Variants in CDKL4 observed in about 807,000 individuals in gnomAD.
CDKL4 encodes cyclin dependent kinase like 4, also known as cyclin-dependent kinase-like 4.
CDKL4 carries 44 observed loss-of-function variants against 42.0 expected under a neutral mutation model. That is an observed-to-expected ratio of 1.05 (90% CI 0.82 to 1.35). CDKL4 has a LOEUF of 1.35. Among genes scored for constraint, CDKL4 ranks in the 40% most tolerant of loss-of-function variants. The pLI is 0.00. For synonymous variants in CDKL4, 120 were observed against 121.6 expected (o/e 0.99, Z 0.09); for missense variants, 393 against 369.9 (o/e 1.06, Z -0.51).
intron 4 of CDKL4, 92 bp from the exon 5 acceptor site, chr2:39,204,709 AT>A: frequency 1.6e-6 from 1 of 622,956 alleles, no homozygotes; most frequent in Non-Finnish European, 2.7e-6. Context: ...TACACAGCCT[AT>A]GAGATAAAAA....
chr2:39,171,472 A>C (rs1447668180), downstream of CDKL4, among the ~76,000 whole-genome samples: 1 of 152,224 alleles, frequency 6.6e-6, no homozygotes, highest in African/African-American at 2.4e-5. Flanking sequence ...TAGTTAAAGT[A>C]ATCTTCAAAA....
intron 7 of CDKL4, 120 bp downstream of exon 7, chr2:39,187,507 T>G: frequency 1.5e-6 from 1 of 680,952 alleles, no homozygotes; most frequent in Non-Finnish European, 2.4e-6. Context: ...ACCTTGCCAC[T>G]GCACTCCAGC....
chr2:39,214,342 T>C lies in CDKL4; in HGVS notation c.291-870A>G, dbSNP rs183030677. Among the ~76,000 whole-genome samples, 105 of 152,330 alleles carry C rather than the reference T, an allele frequency of 6.9e-4. 1 individual carries two copies. The highest frequency in any genetic ancestry group is 2.3e-3 in the African/African-American group (96 of 41,566). On this transcript the variant is annotated intron_variant, in intron 3 of 9. Coordinates refer to ENST00000451199, the Ensembl canonical transcript of CDKL4. Reference sequence around the variant, plus strand: ...CCTGCCTAGCCACCCATTTATTTTCTTCAATTTCACCCCTGACCACTTTGA... The same window carrying C: ...CCTGCCTAGCCACCCATTTATTTTCCTCAATTTCACCCCTGACCACTTTGA...
At chr2:39,212,359 G>A (rs1192596669) in intron 4 of CDKL4, among the ~76,000 whole-genome samples, 5 of 148,912 alleles carry the variant, frequency 3.4e-5, no homozygotes, top group Non-Finnish European at 5.9e-5. Context: ...TCAGCCTCCC[G>A]AGTAGCTGGG....
At chr2:39,200,404 C>A (rs976563069) in intron 5 of CDKL4, among the ~76,000 whole-genome samples, 7 of 152,056 alleles carry the variant, frequency 4.6e-5, no homozygotes, top group African/African-American at 1.2e-4. Context: ...GTGAAGACGA[C>A]CATACTGCCA....
At chr2:39,217,810 C>T (rs754073297) in intron 3 of CDKL4, among the ~76,000 whole-genome samples, 11 of 152,020 alleles carry the variant, frequency 7.2e-5, no homozygotes, top group Non-Finnish European at 1.2e-4. Context: ...CTCCGCTCGC[C>T]GCAACCTCCG....
At chr2:39,168,696 T>TC in the CDKL4 span, among the ~76,000 whole-genome samples, 2 of 146,154 alleles carry the variant, frequency 1.4e-5, no homozygotes, top group African/African-American at 5.0e-5. Context: ...GATAGCGCCA[T>TC]TGAAACTCCA....
intron 4 of CDKL4, among the ~76,000 whole-genome samples, chr2:39,205,614 A>G (rs989495498): frequency 6.6e-6 from 1 of 151,682 alleles, no homozygotes; most frequent in Non-Finnish European, 1.5e-5. Flanking sequence ...GAAAAAATTA[A>G]CCAGGCGTGG....
intron 5 of CDKL4, among the ~76,000 whole-genome samples, chr2:39,191,915 T>C (rs983335374): frequency 6.6e-6 from 1 of 152,192 alleles, no homozygotes; most frequent in Non-Finnish European, 1.5e-5. Context: ...TGGGCAATTC[T>C]CCTTAGTAAA....
intron 5 of CDKL4, among the ~76,000 whole-genome samples, chr2:39,202,684 G>A (rs1458125258): frequency 1.3e-5 from 2 of 152,140 alleles, no homozygotes; most frequent in Admixed American, 1.3e-4. Flanking sequence ...TTAAGTTGGT[G>A]ATTCATTTTG....
intron 4 of CDKL4, 120 bp downstream of exon 4, chr2:39,213,280 T>G: frequency 4.7e-6 from 3 of 636,026 alleles, no homozygotes; most frequent in Non-Finnish European, 8.2e-6. Flanking sequence ...TTCCTTTTGT[T>G]TTGCTTCTTT....
chr2:39,207,213 C>T (rs1396172307), intron 4 of CDKL4, among the ~76,000 whole-genome samples: 1 of 152,082 alleles, frequency 6.6e-6, no homozygotes, highest in African/African-American at 2.4e-5. Context: ...TGGTGAAACT[C>T]AGTCTCTACA....
intron 9 of CDKL4, among the ~76,000 whole-genome samples, chr2:39,177,524 C>CAGGAAT (rs1675215558): frequency 1.3e-5 from 2 of 151,770 alleles, no homozygotes; most frequent in Non-Finnish European, 2.9e-5. Context: ...CCTGCCTCAG[C>CAGGAAT]CCCCCAAGTA....
At chr2:39,184,550 C>A (rs764616831) in intron 8 of CDKL4, 41 bp downstream of exon 8, 1 of 1,451,450 alleles carries the variant, frequency 6.9e-7, no homozygotes, top group East Asian at 2.3e-5. Flanking sequence ...TCAGTCATTA[C>A]AATTTATAGC....
chr2:39,239,617 T>G (rs1010550079), intron 1 of CDKL4, among the ~76,000 whole-genome samples: 1 of 152,196 alleles, frequency 6.6e-6, no homozygotes, highest in Non-Finnish European at 1.5e-5. Context: ...CTGTTAGCCA[T>G]TAGGGAAGTG....
chr2:39,184,611 C>A, exon 8 of CDKL4: 2 of 1,611,822 alleles, frequency 1.2e-6, no homozygotes, highest in Middle Eastern at 1.7e-4. Flanking sequence ...TTCAGAGCCA[C>A]AGGATGAACA....
At chr2:39,220,940 T>A (rs907304956) in intron 3 of CDKL4, among the ~76,000 whole-genome samples, 1 of 124,252 alleles carries the variant, frequency 8.0e-6, no homozygotes, top group Non-Finnish European at 1.7e-5. Flanking sequence ...TATCTCACCA[T>A]CCCATGGCTC....
At chr2:39,189,197 T>C (rs1007833193) in intron 6 of CDKL4, among the ~76,000 whole-genome samples, 1 of 152,182 alleles carries the variant, frequency 6.6e-6, no homozygotes, top group Admixed American at 6.5e-5. Context: ...GGGAAGAAAT[T>C]AACAAATTCT....
chr2:39,177,152 G>C (rs1427603658), intron 9 of CDKL4, among the ~76,000 whole-genome samples: 2 of 152,130 alleles, frequency 1.3e-5, no homozygotes, highest in Non-Finnish European at 2.9e-5. Flanking sequence ...GGGCCTTTTG[G>C]AAGGCCTTGT....
Sources: allele counts gnomAD v4.1 joint callset (sites outside exome capture counted in the v4.1 genomes callset), GRCh38; gene constraint gnomAD v4.1.1; transcripts MANE v1.5; gene names NCBI Gene and HGNC (gene_info 2026-07-23, HGNC 2026-07-21).